CDKAL1: variants seen among roughly 807,000 people sequenced by gnomAD.
CDKAL1 encodes the protein threonylcarbamoyladenosine tRNA methylthiotransferase.
CDKAL1 carries 32 observed loss-of-function variants against 68.2 expected under a neutral mutation model. That is an observed-to-expected ratio of 0.47 (90% CI 0.35 to 0.63). The LOEUF is 0.63. Among genes scored for constraint, CDKAL1 ranks in the 30% least tolerant of loss-of-function variants. The pLI is 0.00. For synonymous variants in CDKAL1, 234 were observed against 244.3 expected, an observed-to-expected ratio of 0.96 and a Z score of 0.39; for missense variants, 606 against 696.7, an observed-to-expected ratio of 0.87 and a Z score of 1.47.
chr6:20,962,443 A>C (rs1011885158), intron 10 of CDKAL1, among the ~76,000 whole-genome samples: 2 of 152,218 alleles, frequency 1.3e-5, no homozygotes, highest in East Asian at 1.9e-4. Flanking sequence ...TTCTGTATTT[A>C]GTGAAATAAA....
Position 20,650,773 on chromosome 6 carries a change from GC to G in CDKAL1, c.371+1397del, listed in dbSNP as rs772910543. The stretch of plus-strand genomic sequence containing the variant: ...GTCCAGTTTCAGTTTTCTGCACAAG[GC>G]TAGCCAGTTTTCCCAGCACCATTTA... On this transcript the variant is annotated intron_variant, in intron 5 of 15. Coordinates refer to ENST00000274695, the MANE Select transcript of CDKAL1 (RefSeq NM_017774.3). Among the ~76,000 whole-genome samples, 183 of 152,242 alleles carry G rather than the reference GC, an allele frequency of 1.2e-3. 1 individual carries two copies. Among genetic ancestry groups the G allele is most frequent in the Admixed American group, 3.1e-3 (47 of 15,292 alleles).
At chr6:20,551,544 A>AT (rs1356023222) in intron 4 of CDKAL1, among the ~76,000 whole-genome samples, 11 of 150,152 alleles carry the variant, frequency 7.3e-5, no homozygotes, top group Non-Finnish European at 1.3e-4. Flanking sequence ...ATTTTTTTGT[A>AT]TTTTTTTAGT....
intron 13 of CDKAL1, among the ~76,000 whole-genome samples, chr6:21,133,359 G>A (rs1441565229): frequency 2.0e-5 from 3 of 151,954 alleles, no homozygotes; most frequent in Non-Finnish European, 2.9e-5. Flanking sequence ...TGGTTTGTTC[G>A]GGCTTTCCCA....
At chr6:20,816,420 A>G (rs891655201) in intron 8 of CDKAL1, among the ~76,000 whole-genome samples, 2 of 152,114 alleles carry the variant, frequency 1.3e-5, no homozygotes, top group African/African-American at 4.8e-5. Flanking sequence ...CAGCATTGCA[A>G]TGTGCTAGCA....
intron 12 of CDKAL1, 21 bp downstream of exon 12, chr6:21,065,249 G>C (rs749283201): frequency 1.3e-6 from 2 of 1,585,942 alleles, no homozygotes; most frequent in Non-Finnish European, 1.7e-6. Context: ...TTTCTTGTAA[G>C]GTATTGTTTT....
chr6:21,056,861 A>G (rs1770864953), intron 11 of CDKAL1, among the ~76,000 whole-genome samples: 1 of 152,204 alleles, frequency 6.6e-6, no homozygotes, highest in South Asian at 2.1e-4. Context: ...CCTTGCGTCC[A>G]GGGATAAAAC....
chr6:20,611,921 C>G lies in CDKAL1; in HGVS notation c.287-37372C>G, dbSNP rs201835964. On this transcript the variant is annotated intron_variant, in intron 4 of 15. Coordinates refer to ENST00000274695, the MANE Select transcript of CDKAL1 (RefSeq NM_017774.3). ...TCCTAGTCCTTGGCACATCCCCTTC[C>G]CACTTGCGATATCTATTATTCTATT... is the stretch of plus-strand genomic sequence containing the variant. Among the ~76,000 whole-genome samples, 4 of 152,276 alleles carry G rather than the reference C, an allele frequency of 2.6e-5. No homozygotes were observed. In the East Asian group the frequency reaches 7.7e-4, roughly 29 times the overall value.
At chr6:20,911,345 T>C (rs1762459665) in intron 9 of CDKAL1, among the ~76,000 whole-genome samples, 1 of 152,234 alleles carries the variant, frequency 6.6e-6, no homozygotes, top group Non-Finnish European at 1.5e-5. Context: ...ACAAGAAAGA[T>C]GCCCACCAGT....
intron 6 of CDKAL1, among the ~76,000 whole-genome samples, chr6:20,751,816 T>A (rs1773934956): frequency 6.6e-6 from 1 of 152,206 alleles, no homozygotes. Flanking sequence ...TATAACTAAG[T>A]GCCTCAAGGA....
intron 7 of CDKAL1, among the ~76,000 whole-genome samples, chr6:20,761,889 A>C (rs1412963410): frequency 6.6e-6 from 1 of 152,190 alleles, no homozygotes; most frequent in Non-Finnish European, 1.5e-5. Flanking sequence ...GAACAACACC[A>C]AGCGTGAACC....
chr6:21,030,817 C>G (rs1417212938), intron 11 of CDKAL1, among the ~76,000 whole-genome samples: 1 of 152,108 alleles, frequency 6.6e-6, no homozygotes, highest in South Asian at 2.1e-4. Context: ...CTTATGCCAG[C>G]TGCTCTTTCT....
At chr6:21,121,574 G>A (rs1446621404) in intron 13 of CDKAL1, among the ~76,000 whole-genome samples, 9 of 152,156 alleles carry the variant, frequency 5.9e-5, no homozygotes, top group African/African-American at 2.2e-4. Flanking sequence ...GGATTAAATG[G>A]GAAGCATCTA....
chr6:20,829,189 GA>G (rs2150458798), intron 8 of CDKAL1, among the ~76,000 whole-genome samples: 1 of 152,292 alleles, frequency 6.6e-6, no homozygotes, highest in African/African-American at 2.4e-5. Context: ...GTTCTTTTGT[GA>G]ATTTCACTAG....
At chr6:20,614,778 GACTTTTTTTGTTTATTAT>G (rs1766809727) in intron 4 of CDKAL1, among the ~76,000 whole-genome samples, 1 of 152,020 alleles carries the variant, frequency 6.6e-6, no homozygotes, top group Admixed American at 6.6e-5. Context: ...TCAAATATTT[GACTTTTTTTGTTTATTAT>G]ACTTTAAGTT....
rs752192302 is a variant in CDKAL1 at position 20,546,546 on chromosome 6, A to G, written c.173+23A>G. ...CAGGTAAGCTTTTTTCCTTGAAATTATATTCATTTTCTTTTTTTTTCTTTT... is the reference window on the plus strand; with the variant it reads ...CAGGTAAGCTTTTTTCCTTGAAATTGTATTCATTTTCTTTTTTTTTCTTTT... On this transcript the variant is annotated intron_variant, in intron 3 of 15. Transcript: ENST00000274695. 9 of 1,599,546 alleles carry G rather than the reference A, an allele frequency of 5.6e-6. No homozygotes were observed. The South Asian group carries it at 1.0e-4, about 18-fold the overall frequency.
chr6:20,899,987 G>A (rs1159857567), intron 9 of CDKAL1, among the ~76,000 whole-genome samples: 2 of 152,196 alleles, frequency 1.3e-5, no homozygotes, highest in Non-Finnish European at 2.9e-5. Context: ...TGACCATGCT[G>A]TGTCTGCTTC....
At chr6:21,153,772 A>G (rs1194338975) in intron 13 of CDKAL1, among the ~76,000 whole-genome samples, 1 of 152,204 alleles carries the variant, frequency 6.6e-6, no homozygotes, top group South Asian at 2.1e-4. Flanking sequence ...ATTCAGTTTT[A>G]AGTGGTTTGC....
At chr6:20,637,041 AAAAAAAAAAAAG>A (rs1421419632) in intron 4 of CDKAL1, among the ~76,000 whole-genome samples, 4 of 149,140 alleles carry the variant, frequency 2.7e-5, no homozygotes, top group African/African-American at 1.0e-4. Context: ...CGTCTCAAAA[AAAAAAAAAAAAG>A]AAAAAAGAAA....
intron 10 of CDKAL1, among the ~76,000 whole-genome samples, chr6:20,984,818 G>GGT (rs1554152572): frequency 2.0e-5 from 3 of 148,898 alleles, no homozygotes; most frequent in East Asian, 4.3e-4. Flanking sequence ...TAACGGGGGG[G>GGT]GGTGGGGAAG....
Sources: gnomAD v4.1 joint callset for allele counts (sites outside exome capture counted in the v4.1 genomes callset) on GRCh38, gnomAD v4.1.1 for gene constraint, MANE v1.5 for transcripts, NCBI Gene and HGNC (gene_info 2026-07-23, HGNC 2026-07-21) for gene names.